The following ARHGAP24 variants were observed in gnomAD, a reference collection of about 807,000 sequenced individuals.
The protein encoded by ARHGAP24 is Rho GTPase activating protein 24.
A neutral mutation model predicts 76.4 loss-of-function variants in ARHGAP24; 50 were observed. The ratio of observed to expected loss-of-function variants is 0.65; its 90% CI spans 0.52 to 0.83. The LOEUF is 0.83. ARHGAP24 is among the 40% of genes least tolerant of loss of function. The probability of loss-of-function intolerance (pLI) is 0.00; values close to 1 mark genes in which losing one functional copy is unlikely to be tolerated. For synonymous variants in ARHGAP24, 345 were observed against 323.3 expected, an observed-to-expected ratio of 1.07 and a Z score of -0.72; for missense variants, 930 against 914.2, an observed-to-expected ratio of 1.02 and a Z score of -0.22.
intron 4 of ARHGAP24, among the ~76,000 whole-genome samples, chr4:85,934,929 A>T (rs1192557554): frequency 6.6e-6 from 1 of 151,502 alleles, no homozygotes; most frequent in Non-Finnish European, 1.5e-5. Context: ...GTGCACATAC[A>T]CACACACACA....
Position 85,995,407 on chromosome 4 carries a change from G to T in ARHGAP24, c.1753G>T (p.Gly585Trp), listed in dbSNP as rs750379979. 4.8e-5 allele frequency: 78 copies of T among 1,612,622 alleles called. No individual in the cohort carries two copies. The highest frequency in any genetic ancestry group is 5.8e-5 in the Non-Finnish European group (68 of 1,178,940). ...CACCTGCCCAGAGCAAGACTTTTTTGGGGGGAACTTTGAGGACCCTGTTTT... is the reference window on the plus strand; with the variant it reads ...CACCTGCCCAGAGCAAGACTTTTTTTGGGGGAACTTTGAGGACCCTGTTTT... Reference protein sequence around the residue: ...TTTCPEQDFFGGNFEDPVLDG... With the variant: ...TTTCPEQDFFWGNFEDPVLDG... The change falls in exon 9 of 10, where the codon GGG becomes TGG. Residue 585 changes from glycine to tryptophan, a missense_variant. Physicochemically the swap from Gly to Trp is radical, Grantham distance 184. Coordinates refer to ENST00000395184, the MANE Select transcript of ARHGAP24 (RefSeq NM_001025616.3).
chr4:85,502,615 T>G (rs561974414), intron 1 of ARHGAP24, among the ~76,000 whole-genome samples: 1 of 152,316 alleles, frequency 6.6e-6, no homozygotes, highest in African/African-American at 2.4e-5. Context: ...TAAGGAGATT[T>G]TGGGCTCAGA....
intron 9 of ARHGAP24, among the ~76,000 whole-genome samples, chr4:85,996,359 A>G (rs922530502): frequency 1.3e-5 from 2 of 152,254 alleles, no homozygotes; most frequent in African/African-American, 4.8e-5. Flanking sequence ...TAAAGAAGCA[A>G]TTATGCTAAA....
chr4:85,509,206 G>T (rs1037403227), intron 1 of ARHGAP24, among the ~76,000 whole-genome samples: 13 of 106,216 alleles, frequency 1.2e-4, no homozygotes, highest in African/African-American at 4.3e-4. Flanking sequence ...GGGGTGGGGG[G>T]AGGGGGGAGG....
intron 2 of ARHGAP24, among the ~76,000 whole-genome samples, chr4:85,609,612 C>T (rs1443139768): frequency 6.6e-6 from 1 of 152,182 alleles, no homozygotes; most frequent in Non-Finnish European, 1.5e-5. Context: ...GCCTTCTCTG[C>T]TCTTCCCATT....
intron 2 of ARHGAP24, among the ~76,000 whole-genome samples, chr4:85,721,138 G>A (rs184455623): frequency 4.7e-4 from 72 of 152,330 alleles, no homozygotes; most frequent in African/African-American, 1.7e-3. Flanking sequence ...GCTCATGCCT[G>A]TAATCCCAGC....
intron 3 of ARHGAP24, among the ~76,000 whole-genome samples, chr4:85,755,649 T>TTTTTTTTGAGACGGAG (rs1553927708): frequency 7.0e-6 from 1 of 143,020 alleles, no homozygotes; most frequent in Non-Finnish European, 1.6e-5. Context: ...TTGTTTTGTT[T>TTTTTTTTGAGACGGAG]TGAGACGGAG....
intron 4 of ARHGAP24, among the ~76,000 whole-genome samples, chr4:85,928,671 AG>A (rs1311380449): frequency 6.6e-6 from 1 of 152,098 alleles, no homozygotes; most frequent in East Asian, 1.9e-4. Context: ...CATGTTGGCC[AG>A]GCTGGTCTCA....
chr4:85,955,520 C>T (rs1390916917), intron 5 of ARHGAP24, among the ~76,000 whole-genome samples: 1 of 152,138 alleles, frequency 6.6e-6, no homozygotes, highest in East Asian at 1.9e-4. Flanking sequence ...CTCTTAAATT[C>T]CGATATTTGC....
intron 2 of ARHGAP24, among the ~76,000 whole-genome samples, chr4:85,632,657 G>T (rs1721194659): frequency 6.6e-6 from 1 of 152,000 alleles, no homozygotes; most frequent in Non-Finnish European, 1.5e-5. Context: ...ATGCAGTCTA[G>T]CTGCCAAGTC....
chr4:85,879,241 T>C (rs190192545), intron 3 of ARHGAP24, among the ~76,000 whole-genome samples: 2 of 152,184 alleles, frequency 1.3e-5, no homozygotes, highest in Non-Finnish European at 2.9e-5. Flanking sequence ...ATCAGTTATA[T>C]TACATGAATA....
chr4:85,476,484 A>T (rs1722604338), intron 1 of ARHGAP24, among the ~76,000 whole-genome samples: 1 of 152,180 alleles, frequency 6.6e-6, no homozygotes, highest in African/African-American at 2.4e-5. Flanking sequence ...GGAAATAAAT[A>T]AATCGTGCTG....
intron 3 of ARHGAP24, among the ~76,000 whole-genome samples, chr4:85,874,869 T>TTATATAATTTATATATAAATATATTTA (rs1732757420): frequency 8.7e-6 from 1 of 115,130 alleles, no homozygotes; most frequent in African/African-American, 3.6e-5. Context: ...AAATATATTT[T>TTATATAATTTATATATAAATATATTTA]TATATAATTT....
intron 2 of ARHGAP24, among the ~76,000 whole-genome samples, chr4:85,576,555 A>G (rs963665573): frequency 6.6e-6 from 1 of 152,192 alleles, no homozygotes. Context: ...TCGATGAAGT[A>G]TTTAAAATAA....
chr4:85,913,691 T>C (rs893400875), intron 3 of ARHGAP24, among the ~76,000 whole-genome samples: 8 of 152,166 alleles, frequency 5.3e-5, no homozygotes, highest in Non-Finnish European at 2.9e-5. Flanking sequence ...ATGTGTTGAA[T>C]AAATGAATGA....
chr4:85,891,074 T>C (rs115782862), intron 3 of ARHGAP24, among the ~76,000 whole-genome samples: 34 of 152,242 alleles, frequency 2.2e-4, no homozygotes, highest in African/African-American at 7.9e-4. Flanking sequence ...AAGCAGGCAG[T>C]GGAAGTCAGC....
rs1184334813 is a variant in ARHGAP24, at chr4:85,852,701, A to G, written c.269-70947A>G. Among the ~76,000 whole-genome samples, 16 of 152,340 alleles carry G rather than the reference A, an allele frequency of 1.1e-4. No homozygotes were observed. In the East Asian group the frequency reaches 2.3e-3, roughly 22 times the overall value. On this transcript the variant is annotated intron_variant, in intron 3 of 9. Coordinates refer to ENST00000395184, the MANE Select transcript of ARHGAP24 (RefSeq NM_001025616.3). ...TCTGTTTGTTAGTTTTCCTTCTAAC[A>G]GTCAGGTCCCTCAGCTGCAGGTCTG...
chr4:85,731,707 G>A (rs2869377), intron 3 of ARHGAP24, among the ~76,000 whole-genome samples: 65,823 of 151,928 alleles, frequency 0.43, 16,058 homozygotes, highest in East Asian at 0.91. Context: ...TATAGTTTGC[G>A]TTAATATATT....
intron 3 of ARHGAP24, among the ~76,000 whole-genome samples, chr4:85,885,148 T>G (rs867998343): frequency 1.3e-5 from 2 of 152,144 alleles, no homozygotes; most frequent in Non-Finnish European, 2.9e-5. Context: ...ATTTTAGGAT[T>G]TAGTTTCTTT....
Sources: gnomAD v4.1 joint callset for allele counts (sites outside exome capture counted in the v4.1 genomes callset) on GRCh38, gnomAD v4.1.1 for gene constraint, MANE v1.5 for transcripts, NCBI Gene and HGNC (gene_info 2026-07-23, HGNC 2026-07-21) for gene names.